Variants in SLAMF1 observed in about 807,000 individuals in gnomAD.
SLAMF1 encodes the protein signaling lymphocytic activation molecule family member 1.
Under a neutral mutation model 35.1 loss-of-function variants are expected in SLAMF1, and 18 were observed. The observed-to-expected ratio is 0.51, with a 90% CI of 0.35 to 0.76. The LOEUF (loss-of-function observed/expected upper bound fraction) is 0.76. SLAMF1 is among the 30% of genes least tolerant of loss of function. The pLI is 0.01. For missense variants in SLAMF1, 392 were observed against 413.0 expected, an observed-to-expected ratio of 0.95 and a Z score of 0.44; for synonymous variants, 168 against 157.2, an observed-to-expected ratio of 1.07 and a Z score of -0.51.
chr1:160,614,302 G>C (rs55841347), intron 5 of SLAMF1, among the ~76,000 whole-genome samples: 32,969 of 152,128 alleles, frequency 0.22, 4,233 homozygotes, highest in Middle Eastern at 0.36. Context: ...TTGGCCGGGC[G>C]TGGTGGCTCA....
Position 160,609,048 on chromosome 1 carries a change from C to T in SLAMF1, c.*1700G>A, listed in dbSNP as rs1173686781. 1.3e-5 allele frequency: 2 copies of T among 152,118 alleles called. No individual in the cohort carries two copies. The highest frequency in any genetic ancestry group is 4.8e-5 in the African/African-American group (2 of 41,378). The allele number at this position is 152,118 out of a possible 1,614,324, so 9.4% of individuals were successfully genotyped here. A position where few individuals can be genotyped will look rare whatever the true frequency, so the allele number is the denominator to read the frequency against. ...AGAGATGAAAGGATGAAGAAGGGAC[C>T]CTGGAGAATTCATTTTCATGGCAGA... On this transcript the variant is annotated 3_prime_UTR_variant, in exon 7 of 7. Transcript: ENST00000302035.
intron 3 of SLAMF1, among the ~76,000 whole-genome samples, chr1:160,630,046 G>T (rs3753384): frequency 0.42 from 63,731 of 152,094 alleles, 14,722 homozygotes; most frequent in African/African-American, 0.61. Flanking sequence ...TGAGCCAGCG[G>T]TTTGCTGATC....
chr1:160,621,528 C>T (rs1196130387), intron 4 of SLAMF1, among the ~76,000 whole-genome samples: 1 of 145,538 alleles, frequency 6.9e-6, no homozygotes, highest in Admixed American at 7.0e-5. Context: ...CATTGCACTC[C>T]AGCCTGAGTG....
At chr1:160,640,325 CATATATATATATATATATAT>C (rs56785818) in intron 1 of SLAMF1, among the ~76,000 whole-genome samples, 4 of 94,128 alleles carry the variant, frequency 4.2e-5, no homozygotes, top group South Asian at 7.4e-4. Flanking sequence ...TTAGGTTTGT[CATATATATATATATATATAT>C]ATATATATAT....
chr1:160,637,625 T>C (rs1220874545), intron 1 of SLAMF1, 96 bp from the exon 2 acceptor site: 4 of 879,418 alleles, frequency 4.5e-6, no homozygotes, highest in Non-Finnish European at 3.4e-6. Flanking sequence ...GCTCTCCCTC[T>C]TCCTCTTTGG....
intron 3 of SLAMF1, among the ~76,000 whole-genome samples, chr1:160,634,090 C>G (rs887552649): frequency 6.6e-6 from 1 of 152,214 alleles, no homozygotes; most frequent in African/African-American, 2.4e-5. Flanking sequence ...TTCCATAAAA[C>G]GAGGACCTTC....
At chr1:160,625,963 A>G (rs1158997601) in intron 3 of SLAMF1, among the ~76,000 whole-genome samples, 1 of 152,182 alleles carries the variant, frequency 6.6e-6, no homozygotes, top group East Asian at 1.9e-4. Context: ...AAGCAAAGCC[A>G]GTAGCCTGAA....
chr1:160,637,453 C>G lies in SLAMF1; in HGVS notation c.153G>C (p.Arg51Ser). The G allele has an allele frequency of 1.9e-6, 3 of 1,614,092 alleles. No individual in the cohort carries two copies. The highest frequency in any genetic ancestry group is 2.5e-6 in the Non-Finnish European group (3 of 1,180,006). ...TGCTTTTGTTCATGCTCTTATTTAT[C>G]CTTTCATATGTCAGGGGCAGCAGCA... is the stretch of plus-strand genomic sequence containing the variant. ...SKVLLPLTYE[R>S]INKSMNKSIH... is the part of the protein sequence containing the mutation. Residue 51 changes from arginine to serine, a missense_variant, in exon 2 of 7, where the codon AGG (arginine) becomes AGC (serine). Coordinates refer to ENST00000302035, the MANE Select transcript of SLAMF1 (RefSeq NM_003037.5).
chr1:160,618,842 C>T (rs1157111983), intron 5 of SLAMF1, among the ~76,000 whole-genome samples: 2 of 152,018 alleles, frequency 1.3e-5, no homozygotes, highest in Admixed American at 6.5e-5. Flanking sequence ...CAGATGAGAG[C>T]GTGGGGTGAA....
intron 3 of SLAMF1, among the ~76,000 whole-genome samples, chr1:160,626,620 A>G (rs911651739): frequency 6.6e-6 from 1 of 152,230 alleles, no homozygotes; most frequent in Admixed American, 6.5e-5. Context: ...AGACACAGAC[A>G]GGAGTATCCA....
At chr1:160,626,280 G>A (rs780288630) in intron 3 of SLAMF1, among the ~76,000 whole-genome samples, 3 of 152,180 alleles carry the variant, frequency 2.0e-5, no homozygotes, top group African/African-American at 7.2e-5. Flanking sequence ...GCCCGACGCC[G>A]GTTGCTCTGC....
At chr1:160,632,258 G>T (rs1480438445) in intron 3 of SLAMF1, among the ~76,000 whole-genome samples, 1 of 152,120 alleles carries the variant, frequency 6.6e-6, no homozygotes, top group Non-Finnish European at 1.5e-5. Flanking sequence ...TGTCTACTCT[G>T]GGAGGGACTT....
At chr1:160,625,688 T>TA (rs201035932) in intron 3 of SLAMF1, among the ~76,000 whole-genome samples, 19 of 149,536 alleles carry the variant, frequency 1.3e-4, no homozygotes, top group Non-Finnish European at 2.1e-4. Context: ...ATGCTCTGAT[T>TA]AAAAAAAAAA....
At chr1:160,621,861 T>TGC (rs981331290) in intron 4 of SLAMF1, among the ~76,000 whole-genome samples, 4 of 143,834 alleles carry the variant, frequency 2.8e-5, no homozygotes, top group African/African-American at 1.0e-4. Context: ...AGTGCGTGTG[T>TGC]GTGTGTGTGT....
intron 4 of SLAMF1, among the ~76,000 whole-genome samples, chr1:160,622,943 T>C (rs1659697267): frequency 6.6e-6 from 1 of 152,210 alleles, no homozygotes; most frequent in Non-Finnish European, 1.5e-5. Flanking sequence ...CAACTAAATA[T>C]AAATTTTACC....
chr1:160,632,240 T>G (rs548804498), intron 3 of SLAMF1, among the ~76,000 whole-genome samples: 1 of 152,274 alleles, frequency 6.6e-6, no homozygotes, highest in East Asian at 1.9e-4. Flanking sequence ...ACACACTGAA[T>G]CAAGGACTGT....
At chr1:160,638,643 A>G (rs1019177705) in intron 1 of SLAMF1, among the ~76,000 whole-genome samples, 3 of 152,140 alleles carry the variant, frequency 2.0e-5, no homozygotes, top group African/African-American at 7.2e-5. Context: ...TCCCATTTCC[A>G]GACCCATTTT....
chr1:160,637,094 A>G, intron 2 of SLAMF1, 97 bp downstream of exon 2: 1 of 761,676 alleles, frequency 1.3e-6, no homozygotes, highest in Non-Finnish European at 2.3e-6. Flanking sequence ...AGTTACTTCC[A>G]ATTCTGAATA....
chr1:160,632,854 G>T (rs1353773630), intron 3 of SLAMF1, among the ~76,000 whole-genome samples: 1 of 152,130 alleles, frequency 6.6e-6, no homozygotes, highest in East Asian at 1.9e-4. Context: ...TAATGCCTAT[G>T]AGGCTTCCAG....
Sources: allele counts gnomAD v4.1 joint callset (sites outside exome capture counted in the v4.1 genomes callset), GRCh38; gene constraint gnomAD v4.1.1; transcripts MANE v1.5; gene names NCBI Gene and HGNC (gene_info 2026-07-23, HGNC 2026-07-21).